The following PRDM1 variants were observed in gnomAD, a reference collection of about 807,000 sequenced individuals.
PRDM1 encodes PR domain zinc finger protein 1.
A neutral mutation model predicts 62.8 loss-of-function variants in PRDM1; 13 were observed. The observed-to-expected ratio is 0.21, with a 90% CI of 0.13 to 0.33. The LOEUF (loss-of-function observed/expected upper bound fraction) is 0.33. Ranked by LOEUF, PRDM1 falls within the 10% of genes least tolerant of loss-of-function variation. PRDM1 has a pLI of 1.00. For missense variants in PRDM1, 895 were observed against 1,058.8 expected, an observed-to-expected ratio of 0.85 and a Z score of 2.15; for synonymous variants, 396 against 417.6, an observed-to-expected ratio of 0.95 and a Z score of 0.63.
At chr6:106,014,948 A>G (rs1772602291) in intron 1 of PRDM1, among the ~76,000 whole-genome samples, 1 of 152,140 alleles carries the variant, frequency 6.6e-6, no homozygotes, top group Non-Finnish European at 1.5e-5. Context: ...AGACACAGGG[A>G]CATAATAAGT....
At position 106,106,168 on chromosome 6, in the gene PRDM1, A is replaced by T. The variant is rs770338794; in HGVS notation, c.1774-203A>T. Among the ~76,000 whole-genome samples the T allele has an allele frequency of 3.3e-5, 5 of 152,206 alleles. No homozygotes were observed. The highest frequency in any genetic ancestry group is 4.8e-5 in the African/African-American group (2 of 41,446). ...AAAAAAATTAGGGGTTTGGACTAGA[A>T]GATTAGGTGAAACTCCCTGCTAGCC... On this transcript the variant is annotated intron_variant, in intron 5 of 6. Transcript: ENST00000369096. The surrounding 1 kb of genome is among the most constrained non-coding windows in gnomAD (Gnocchi z 4.4).
intron 2 of PRDM1, among the ~76,000 whole-genome samples, chr6:106,092,933 GCC>G (rs1189628491): frequency 2.0e-5 from 3 of 152,174 alleles, no homozygotes; most frequent in African/African-American, 7.2e-5. Flanking sequence ...GTTTATATGT[GCC>G]CTATAGCACT....
upstream of PRDM1, among the ~76,000 whole-genome samples, chr6:106,085,237 A>G (rs1773769516): frequency 6.6e-6 from 1 of 152,128 alleles, no homozygotes; most frequent in African/African-American, 2.4e-5. Context: ...TGTATTTAAA[A>G]TGTTAGAAAA....
At chr6:106,034,335 T>C (rs1219609158) in intron 1 of PRDM1, among the ~76,000 whole-genome samples, 2 of 152,072 alleles carry the variant, frequency 1.3e-5, no homozygotes, top group African/African-American at 2.4e-5. Flanking sequence ...ACTTAAGTTA[T>C]ATAGTTAGGT....
upstream of PRDM1, among the ~76,000 whole-genome samples, chr6:106,047,203 A>G (rs1314427357): frequency 6.6e-6 from 1 of 152,226 alleles, no homozygotes; most frequent in African/African-American, 2.4e-5. Flanking sequence ...AAGAATGGAG[A>G]TATTGAAAGA....
chr6:106,104,594 T>C (rs994941223), intron 4 of PRDM1, among the ~76,000 whole-genome samples: 2 of 152,208 alleles, frequency 1.3e-5, no homozygotes, highest in Non-Finnish European at 2.9e-5. Context: ...AGGCTGCTGT[T>C]TGTTCTGTCT....
rs60217130 is a variant in PRDM1, at chr6:106,107,677, C to CATATATATATATATAT, written c.*198_*213dup. The CATATATATATATATAT allele has an allele frequency of 1.4e-3, 281 of 198,958 alleles. 2 individuals are homozygous for CATATATATATATATAT. The highest frequency in any genetic ancestry group is 4.8e-3 in the African/African-American group (196 of 41,034). The allele number at this position is 198,958 out of a possible 1,614,324, so 12.3% of individuals were successfully genotyped here. The stretch of plus-strand genomic sequence containing the variant: ...CTCAGGGCATGAACAAGGCAAAGGC[C>CATATATATATATATAT]ATATATATATATATATATATATCTG... On this transcript the variant is annotated 3_prime_UTR_variant, in exon 7 of 7. Coordinates refer to ENST00000369096, the MANE Select transcript of PRDM1 (RefSeq NM_001198.4).
At chr6:106,031,626 C>T (rs2114567607) in intron 1 of PRDM1, among the ~76,000 whole-genome samples, 1 of 152,242 alleles carries the variant, frequency 6.6e-6, no homozygotes, top group East Asian at 1.9e-4. Context: ...GTGAGACCAC[C>T]AAGGTGGGAA....
intron 1 of PRDM1, among the ~76,000 whole-genome samples, chr6:106,001,029 G>A (rs1283747598): frequency 6.6e-6 from 1 of 152,174 alleles, no homozygotes; most frequent in African/African-American, 2.4e-5. Flanking sequence ...CCTTTTGCAA[G>A]TATATTGTCA....
intron 1 of PRDM1, among the ~76,000 whole-genome samples, chr6:105,997,733 A>G (rs1013899111): frequency 6.6e-5 from 10 of 152,242 alleles, no homozygotes; most frequent in Admixed American, 6.5e-4. Context: ...TACCCATTGG[A>G]AATTATAAAA....
In PRDM1 at chr6:106,108,202, C is replaced by CTT. The variant is rs1774562004; in HGVS notation, c.*717_*718dup. The CTT allele has an allele frequency of 4.3e-6, 1 of 233,462 alleles. No individual in the cohort carries two copies. The highest frequency in any genetic ancestry group is 8.5e-6 in the Non-Finnish European group (1 of 117,946). The allele number at this position is 233,462 out of a possible 1,614,324, so 14.5% of individuals were successfully genotyped here. On this transcript the variant is annotated 3_prime_UTR_variant, in exon 7 of 7. Coordinates refer to ENST00000369096, the MANE Select transcript of PRDM1 (RefSeq NM_001198.4). ...AAGTAGAAGAAACAAGAAAGGGAAT[C>CTT]TTGTATATTTTTGTTGATAGTTCAT... is the stretch of plus-strand genomic sequence containing the variant.
intron 1 of PRDM1, among the ~76,000 whole-genome samples, chr6:106,055,548 C>A (rs1384391351): frequency 6.6e-6 from 1 of 151,992 alleles, no homozygotes; most frequent in Non-Finnish European, 1.5e-5. Flanking sequence ...AGTATGTGTC[C>A]CCTTGAAAAG....
At chr6:106,084,548 T>A (rs949004804), upstream of PRDM1, among the ~76,000 whole-genome samples, 1 of 152,226 alleles carries the variant, frequency 6.6e-6, no homozygotes, top group Non-Finnish European at 1.5e-5. Flanking sequence ...ATGGTGTATG[T>A]GGCCTAAGAA....
chr6:106,030,579 C>G (rs1772827183), intron 1 of PRDM1, among the ~76,000 whole-genome samples: 2 of 151,746 alleles, frequency 1.3e-5, no homozygotes, highest in Admixed American at 6.6e-5. Flanking sequence ...GGGTGGGGGG[C>G]AGGTAACTTA....
chr6:106,098,333 T>G, intron 3 of PRDM1: 2 of 985,378 alleles, frequency 2.0e-6, no homozygotes, highest in Non-Finnish European at 2.4e-6. Flanking sequence ...ATAGTTTCAG[T>G]AAGAGTGTAC....
chr6:106,104,156 C>T (rs573869), intron 4 of PRDM1, among the ~76,000 whole-genome samples: 37,136 of 151,758 alleles, frequency 0.24, 4,721 homozygotes, highest in South Asian at 0.3. Flanking sequence ...TTTTATTAAC[C>T]TATGACAGGG....
chr6:106,042,648 C>T (rs1745723977), intron 1 of PRDM1, among the ~76,000 whole-genome samples: 1 of 152,100 alleles, frequency 6.6e-6, no homozygotes, highest in East Asian at 1.9e-4. Context: ...CAGAATAAAA[C>T]CTGGTCTTCT....
chr6:106,095,078 A>G (rs1371758870), intron 2 of PRDM1, among the ~76,000 whole-genome samples: 1 of 151,482 alleles, frequency 6.6e-6, no homozygotes, highest in Non-Finnish European at 1.5e-5. Flanking sequence ...CACAAACCTC[A>G]TCTGGAATGA....
intron 1 of PRDM1, among the ~76,000 whole-genome samples, chr6:106,071,100 G>A (rs551839628): frequency 1.3e-5 from 2 of 152,090 alleles, no homozygotes; most frequent in African/African-American, 4.8e-5. Flanking sequence ...GTGAAACCCT[G>A]TCTCTACTAA....
Sources: allele counts gnomAD v4.1 joint callset (sites outside exome capture counted in the v4.1 genomes callset), GRCh38; gene constraint gnomAD v4.1.1; non-coding constraint Gnocchi (gnomAD v3.1); transcripts MANE v1.5; gene names NCBI Gene and HGNC (gene_info 2026-07-23, HGNC 2026-07-21).